Variants in C1QTNF3 observed in about 807,000 individuals in gnomAD.
C1QTNF3 encodes complement C1q tumor necrosis factor-related protein 3.
In C1QTNF3, 26 loss-of-function variants were observed where a neutral mutation model predicts 32.6. That is an observed-to-expected ratio of 0.80 (90% CI 0.58 to 1.11). The LOEUF is 1.11. Ranked by LOEUF, C1QTNF3 falls within the 50% of genes least tolerant of loss-of-function variation. C1QTNF3 has a pLI of 0.00. For missense variants in C1QTNF3, 362 were observed against 398.2 expected (o/e 0.91, Z 0.77); for synonymous variants, 155 against 146.0 (o/e 1.06, Z -0.44).
the C1QTNF3 span, among the ~76,000 whole-genome samples, chr5:34,208,855 C>G: frequency 6.6e-6 from 1 of 152,180 alleles, no homozygotes; most frequent in Non-Finnish European, 1.5e-5. Context: ...TAATCCTTAA[C>G]ATACACAGCC....
the C1QTNF3 span, among the ~76,000 whole-genome samples, chr5:34,243,543 A>C: frequency 3.3e-5 from 5 of 152,256 alleles, no homozygotes; most frequent in Non-Finnish European, 5.9e-5. Context: ...TATTCACAAT[A>C]GCACAGACAC....
the C1QTNF3 span, among the ~76,000 whole-genome samples, chr5:34,066,677 T>A: frequency 6.6e-6 from 1 of 152,126 alleles, no homozygotes; most frequent in African/African-American, 2.4e-5. Flanking sequence ...ATTTAAACCA[T>A]ACTCAATATT....
the C1QTNF3 span, among the ~76,000 whole-genome samples, chr5:34,053,270 A>G: frequency 6.6e-6 from 1 of 152,226 alleles, no homozygotes; most frequent in Non-Finnish European, 1.5e-5. Context: ...CCACATGAGT[A>G]ATGCTGATTT....
the C1QTNF3 span, among the ~76,000 whole-genome samples, chr5:34,077,509 T>C: frequency 2.6e-5 from 4 of 151,776 alleles, no homozygotes; most frequent in African/African-American, 9.7e-5. Context: ...TGCTGACCCA[T>C]TTGTTCATGA....
upstream of C1QTNF3, among the ~76,000 whole-genome samples, chr5:34,044,239 T>A (rs151180677): frequency 9.8e-5 from 15 of 152,346 alleles, no homozygotes; most frequent in African/African-American, 3.6e-4. Flanking sequence ...TGCTTCAGGA[T>A]AATAAATTAA....
the C1QTNF3 span, among the ~76,000 whole-genome samples, chr5:34,139,348 C>T: frequency 1.3e-5 from 2 of 151,462 alleles, no homozygotes; most frequent in African/African-American, 4.8e-5. Context: ...GGTATTTTAC[C>T]CAACTTCTTT....
intron 3 of C1QTNF3, among the ~76,000 whole-genome samples, chr5:34,030,900 T>C (rs893472270): frequency 2.0e-5 from 3 of 151,976 alleles, no homozygotes; most frequent in African/African-American, 7.3e-5. Context: ...CATGGACATA[T>C]AGAGGGGAAC....
the C1QTNF3 span, among the ~76,000 whole-genome samples, chr5:34,057,468 A>T: frequency 6.6e-6 from 1 of 152,198 alleles, no homozygotes; most frequent in Non-Finnish European, 1.5e-5. Context: ...TAGACAATGT[A>T]TTGGGACATT....
chr5:34,142,880 G>A, the C1QTNF3 span, among the ~76,000 whole-genome samples: 6 of 152,184 alleles, frequency 3.9e-5, no homozygotes, highest in Non-Finnish European at 5.9e-5. Context: ...GCCAGAGTGT[G>A]TACTTACTTC....
intron 3 of C1QTNF3, among the ~76,000 whole-genome samples, chr5:34,032,504 T>C (rs1579605006): frequency 6.6e-6 from 1 of 152,214 alleles, no homozygotes; most frequent in East Asian, 1.9e-4. Flanking sequence ...GTAAAAATTA[T>C]ACCACAAGGT....
At chr5:34,146,024 T>C in the C1QTNF3 span, among the ~76,000 whole-genome samples, 1,984 of 152,180 alleles carry the variant, frequency 0.013, 50 homozygotes, top group African/African-American at 0.046. Flanking sequence ...ATAAAAGCCA[T>C]CTATGGTAAA....
chr5:34,143,440 A>C, the C1QTNF3 span, among the ~76,000 whole-genome samples: 1 of 152,210 alleles, frequency 6.6e-6, no homozygotes, highest in African/African-American at 2.4e-5. Flanking sequence ...CATTCTGGCC[A>C]GATGCTGTAA....
chr5:34,112,174 T>C, the C1QTNF3 span, among the ~76,000 whole-genome samples: 1 of 152,184 alleles, frequency 6.6e-6, no homozygotes, highest in African/African-American at 2.4e-5. Context: ...AGATATCAAA[T>C]TACTAGAAAT....
chr5:34,177,502 T>C, the C1QTNF3 span, among the ~76,000 whole-genome samples: 1 of 148,780 alleles, frequency 6.7e-6, no homozygotes, highest in Admixed American at 6.7e-5. Flanking sequence ...TTTTTTTTTT[T>C]TTGAGACGGA....
At chr5:34,177,782 C>G in the C1QTNF3 span, among the ~76,000 whole-genome samples, 4 of 151,904 alleles carry the variant, frequency 2.6e-5, no homozygotes, top group Non-Finnish European at 5.9e-5. Context: ...CCACTGCACC[C>G]AGCCACAACT....
chr5:34,019,750 C>T lies in C1QTNF3; in HGVS notation c.*833G>A, dbSNP rs749380523. On this transcript the variant is annotated 3_prime_UTR_variant, in exon 6 of 6. Transcript: ENST00000382065. Reference sequence around the variant, plus strand: ...TATATTGCTCATTACATTTTTCTTGCCACAGTTTTATCTAAAGCCAGGTCA... The same window carrying T: ...TATATTGCTCATTACATTTTTCTTGTCACAGTTTTATCTAAAGCCAGGTCA... The T allele has an allele frequency of 2.0e-5, 3 of 152,132 alleles. No individual in the cohort carries two copies. Among genetic ancestry groups the T allele is most frequent in the Non-Finnish European group, 4.4e-5 (3 of 68,030 alleles). 9.4% of individuals were successfully genotyped at this position (152,132 alleles called of 1,614,324 possible). A position where few individuals can be genotyped will look rare whatever the true frequency, so the allele number is the denominator to read the frequency against.
At chr5:34,137,881 A>G in the C1QTNF3 span, among the ~76,000 whole-genome samples, 1 of 152,248 alleles carries the variant, frequency 6.6e-6, no homozygotes, top group East Asian at 1.9e-4. Context: ...CAATTCATAT[A>G]TTGAATCCCT....
chr5:34,103,990 T>G, the C1QTNF3 span, among the ~76,000 whole-genome samples: 1 of 149,644 alleles, frequency 6.7e-6, no homozygotes, highest in African/African-American at 2.5e-5. Context: ...AGTGAAAAAT[T>G]ATGTTGCCAT....
chr5:34,128,468 G>A, the C1QTNF3 span, among the ~76,000 whole-genome samples: 17 of 152,258 alleles, frequency 1.1e-4, no homozygotes, highest in South Asian at 8.3e-4. Flanking sequence ...CCGATAGCTC[G>A]CCCTGGCTGC....
Sources: allele counts gnomAD v4.1 joint callset (sites outside exome capture counted in the v4.1 genomes callset), GRCh38; gene constraint gnomAD v4.1.1; transcripts MANE v1.5; gene names NCBI Gene and HGNC (gene_info 2026-07-23, HGNC 2026-07-21).